Variants in ABR observed in about 807,000 individuals in gnomAD.
ABR encodes the protein ABR activator of RhoGEF and GTPase.
A neutral mutation model predicts 107.2 loss-of-function variants in ABR; 35 were observed. The ratio of observed to expected loss-of-function variants is 0.33; its 90% confidence interval spans 0.25 to 0.43. The LOEUF (loss-of-function observed/expected upper bound fraction) is 0.43. Among genes scored for constraint, ABR ranks in the 20% least tolerant of loss-of-function variants. The probability of loss-of-function intolerance (pLI) is 1.00; values close to 1 mark genes in which losing one functional copy is unlikely to be tolerated. For synonymous variants in ABR, 498 were observed against 462.0 expected, an observed-to-expected ratio of 1.08 and a Z score of -1.00; for missense variants, 815 against 1,115.2, an observed-to-expected ratio of 0.73 and a Z score of 3.83.
At chr17:1,057,704 A>T (rs151271997) in intron 12 of ABR, 4,181 of 240,794 alleles carry the variant, frequency 0.017, 33 homozygotes, top group South Asian at 0.05. Context: ...TGTGTGTGTG[A>T]GAGAGAGAGA....
At chr17:1,103,717 C>T (rs1167044921) in intron 2 of ABR, among the ~76,000 whole-genome samples, 3 of 152,148 alleles carry the variant, frequency 2.0e-5, no homozygotes, top group Non-Finnish European at 4.4e-5. Context: ...AACAGTCAGC[C>T]CCAAGAGTCC....
Position 1,058,061 on chromosome 17 carries a change from A to G in ABR, c.1306-16T>C. 2 of 1,610,752 alleles carry G rather than the reference A, an allele frequency of 1.2e-6. No individual in the cohort carries two copies. Among genetic ancestry groups the G allele is most frequent in the Non-Finnish European group, 1.7e-6 (2 of 1,177,206 alleles). On this transcript the variant is annotated splice_polypyrimidine_tract_variant and intron_variant, in intron 11 of 22. Transcript: ENST00000302538. ...ACAGGTAACTCTGAAGAGAGGAGAT[A>G]AGCATAAAGTGGGTGACCACAGTCA...
intron 16 of ABR, among the ~76,000 whole-genome samples, chr17:1,038,667 C>A (rs1484097248): frequency 6.6e-6 from 1 of 152,208 alleles, no homozygotes; most frequent in Non-Finnish European, 1.5e-5. Flanking sequence ...CCCCAGGCCA[C>A]GGCAAGGGCG....
Position 1,078,990 on chromosome 17 carries a change from G to A in ABR, c.700+340C>T. The A allele has an allele frequency of 6.9e-7, 1 of 1,452,310 alleles. No homozygotes were observed. 90.0% of individuals were successfully genotyped at this position (1,452,310 alleles called of 1,614,324 possible). On this transcript the variant is annotated intron_variant, in intron 6 of 22. Coordinates refer to ENST00000302538, the MANE Select transcript of ABR (RefSeq NM_021962.5). This position sits in a 1 kb window ranked among gnomAD's most constrained non-coding sequence, Gnocchi z 7.5. ...ACTCCAGCATCGGGCAGCCGCTCCG[G>A]AGTGCTCTTCCAGCAAGGGGGAGGG...
At chr17:1,029,014 A>G (rs2072480165) in intron 16 of ABR, among the ~76,000 whole-genome samples, 1 of 151,374 alleles carries the variant, frequency 6.6e-6, no homozygotes, top group Non-Finnish European at 1.5e-5. Flanking sequence ...GCCCCTTCCC[A>G]TCCAAAGCTC....
chr17:1,047,660 T>C (rs1310084142), intron 16 of ABR, among the ~76,000 whole-genome samples: 2 of 152,220 alleles, frequency 1.3e-5, no homozygotes, highest in African/African-American at 4.8e-5. Context: ...CTCCCAGGCA[T>C]TTAACATTCC....
chr17:1,049,127 C>T (rs890886591), intron 16 of ABR, among the ~76,000 whole-genome samples: 4 of 152,096 alleles, frequency 2.6e-5, no homozygotes, highest in Non-Finnish European at 5.9e-5. Flanking sequence ...GGCCTTTTCC[C>T]TATATATGTT....
Position 1,040,336 on chromosome 17 carries a change from C to T in ABR, c.1791+9714G>A, listed in dbSNP as rs149603714. On this transcript the variant is annotated intron_variant, in intron 16 of 22. Transcript: ENST00000302538. Reference sequence around the variant, plus strand: ...GCCCCACGTTCTCTGCAAGCTTCCTCGTGCTCTCCAGAGTAATTGAAACCA... The same window carrying T: ...GCCCCACGTTCTCTGCAAGCTTCCTTGTGCTCTCCAGAGTAATTGAAACCA... Among the ~76,000 whole-genome samples, 725 of 152,318 alleles carry T rather than the reference C, an allele frequency of 4.8e-3. 3 individuals carry two copies. The highest frequency in any genetic ancestry group is 0.017 in the African/African-American group (686 of 41,564).
At chr17:1,195,045 C>G (rs937478897) in intron 1 of ABR, among the ~76,000 whole-genome samples, 10 of 145,290 alleles carry the variant, frequency 6.9e-5, no homozygotes, top group Non-Finnish European at 1.5e-4. Flanking sequence ...CGGTGGCTCA[C>G]GCCTGTAATC....
At chr17:1,069,440 G>C (rs527773528) in intron 9 of ABR, among the ~76,000 whole-genome samples, 1 of 152,302 alleles carries the variant, frequency 6.6e-6, no homozygotes, top group African/African-American at 2.4e-5. Flanking sequence ...GAGGCGGGCA[G>C]ATCACCTGAG....
intron 5 of ABR, among the ~76,000 whole-genome samples, chr17:1,079,807 AAAAAAAAAAAAAAAAAAAAAG>A (rs2036077162): frequency 9.7e-6 from 1 of 103,314 alleles, no homozygotes; most frequent in Non-Finnish European, 1.8e-5. Flanking sequence ...AAAAAAAAAA[AAAAAAAAAAAAAAAAAAAAAG>A]AAAGACAAAG....
rs990877086 is a variant in ABR, at chr17:1,051,026, T to C, written c.1562-392A>G. Among the ~76,000 whole-genome samples the C allele has an allele frequency of 2.6e-5, 4 of 152,120 alleles. No homozygotes were observed. Among genetic ancestry groups the C allele is most frequent in the African/African-American group, 9.7e-5 (4 of 41,406 alleles). On this transcript the variant is annotated intron_variant, in intron 14 of 22. Coordinates refer to ENST00000302538, the MANE Select transcript of ABR (RefSeq NM_021962.5). The surrounding 1 kb of genome is among the most constrained non-coding windows in gnomAD (Gnocchi z 4.3). Reference sequence around the variant, plus strand: ...ACCATGGAGACGACACCACAAACTCTTCACTGACCGCCCTGGAGCCACCTC... The same window carrying C: ...ACCATGGAGACGACACCACAAACTCCTCACTGACCGCCCTGGAGCCACCTC...
chr17:1,036,445 TG>T (rs1412201173), intron 16 of ABR, among the ~76,000 whole-genome samples: 1 of 151,500 alleles, frequency 6.6e-6, no homozygotes, highest in East Asian at 1.9e-4. Flanking sequence ...GGACCAGAGC[TG>T]GGGGACAAGA....
At position 1,027,171 on chromosome 17, in the gene ABR, C is replaced by T. The variant is rs1009445131; in HGVS notation, c.1792-14007G>A. Among the ~76,000 whole-genome samples, 1 of 152,246 alleles carries T rather than the reference C, an allele frequency of 6.6e-6. No homozygotes were observed. The highest frequency in any genetic ancestry group is 6.5e-5 in the Admixed American group (1 of 15,284). On this transcript the variant is annotated intron_variant, in intron 16 of 22. Transcript: ENST00000302538. This position sits in a 1 kb window ranked among gnomAD's most constrained non-coding sequence, Gnocchi z 4.7. ...CAGGCAGCTTTGGCCTTTGAGGAAC[C>T]CCCTTGATTGGCAGGTTCTCCTCTC... is the stretch of plus-strand genomic sequence containing the variant.
chr17:1,190,745 C>T (rs558022597), upstream of ABR, among the ~76,000 whole-genome samples: 10 of 152,318 alleles, frequency 6.6e-5, 1 homozygote, highest in South Asian at 4.1e-4. Context: ...CGTCTGCTCT[C>T]GCCGTCTGCT....
At position 1,166,996 on chromosome 17, in the gene ABR, C is replaced by T. The variant is rs142359648; in HGVS notation, c.61+12671G>A. Reference sequence around the variant, plus strand: ...CCAGCCTGGGTGACAGAGCCAGACTCTGTCTCAAAAACAACAAACAAGCAA... The same window carrying T: ...CCAGCCTGGGTGACAGAGCCAGACTTTGTCTCAAAAACAACAAACAAGCAA... On this transcript the variant is annotated intron_variant, in intron 1 of 22. Transcript: ENST00000302538. Among the ~76,000 whole-genome samples, 753 of 152,196 alleles carry T rather than the reference C, an allele frequency of 4.9e-3. 4 individuals carry two copies. The highest frequency in any genetic ancestry group is 7.9e-3 in the Non-Finnish European group (537 of 68,016).
chr17:1,180,002 G>A (rs1414930357), upstream of ABR: 2 of 251,690 alleles, frequency 7.9e-6, no homozygotes, highest in Admixed American at 5.8e-5. Context: ...GGGGCGGGGC[G>A]GGGGTGGGGC....
At chr17:1,212,392 C>G (rs750742608) in intron 1 of ABR, among the ~76,000 whole-genome samples, 2 of 151,974 alleles carry the variant, frequency 1.3e-5, no homozygotes, top group Non-Finnish European at 2.9e-5. Context: ...GATCATGCCA[C>G]TGCTCTCCAG....
intron 5 of ABR, chr17:1,083,307 T>A: frequency 5.1e-6 from 1 of 197,940 alleles, no homozygotes. Flanking sequence ...TTCCTCTCTC[T>A]AATCTGAAAG....
Sources: allele counts gnomAD v4.1 joint callset (sites outside exome capture counted in the v4.1 genomes callset), GRCh38; gene constraint gnomAD v4.1.1; non-coding constraint Gnocchi (gnomAD v3.1); transcripts MANE v1.5; gene names NCBI Gene and HGNC (gene_info 2026-07-23, HGNC 2026-07-21).